The following NQO1 variants were observed in gnomAD, a reference collection of about 807,000 sequenced individuals.
The protein encoded by NQO1 is NAD(P)H quinone dehydrogenase 1.
NQO1 carries 30 observed loss-of-function variants against 32.1 expected under a neutral mutation model. The ratio of observed to expected loss-of-function variants is 0.94; its 90% CI spans 0.70 to 1.27. The LOEUF is 1.27. Among genes scored for constraint, NQO1 ranks in the 50% most tolerant of loss-of-function variants. NQO1 has a pLI of 0.00. For synonymous variants in NQO1, 109 were observed against 119.7 expected (o/e 0.91, Z 0.59); for missense variants, 276 against 331.3 (o/e 0.83, Z 1.30).
Position 69,717,357 on chromosome 16 carries a change from C to T in NQO1, c.303+766G>A, listed in dbSNP as rs2038127585. On this transcript the variant is annotated intron_variant, in intron 3 of 5. Coordinates refer to ENST00000320623, the MANE Select transcript of NQO1 (RefSeq NM_000903.3). Reference sequence around the variant, plus strand: ...TTCAGCAGGGTTTCAAAGCCCCCTTCAGCTGGCAGGCTACAATGGCAGAGA... The same window carrying T: ...TTCAGCAGGGTTTCAAAGCCCCCTTTAGCTGGCAGGCTACAATGGCAGAGA... 2.0e-5 allele frequency among the ~76,000 whole-genome samples: 3 copies of T among 152,200 alleles called. No homozygotes were observed. In the South Asian group the frequency reaches 6.2e-4, roughly 31 times the overall value.
intron 5 of NQO1, among the ~76,000 whole-genome samples, chr16:69,711,617 C>T (rs1238661257): frequency 2.0e-5 from 3 of 151,818 alleles, no homozygotes; most frequent in Non-Finnish European, 4.4e-5. Flanking sequence ...ATTTCTCTGC[C>T]TCTCCATATA....
Position 69,710,627 on chromosome 16 carries a change from A to C in NQO1, c.*349T>G, listed in dbSNP as rs1484382530. On this transcript the variant is annotated 3_prime_UTR_variant, in exon 6 of 6. Coordinates refer to ENST00000320623, the MANE Select transcript of NQO1 (RefSeq NM_000903.3). Reference sequence around the variant, plus strand: ...TAAACTACAGAGAGGTGATTAATAGAACATTGGAGAGTTGAATGATACCTA... The same window carrying C: ...TAAACTACAGAGAGGTGATTAATAGCACATTGGAGAGTTGAATGATACCTA... The C allele has an allele frequency of 4.3e-6, 1 of 230,680 alleles. No individual in the cohort carries two copies. Among genetic ancestry groups the C allele is most frequent in the Non-Finnish European group, 8.5e-6 (1 of 118,166 alleles). 14.3% of individuals were successfully genotyped at this position (230,680 alleles called of 1,614,324 possible). A position where few individuals can be genotyped will look rare whatever the true frequency, so the allele number is the denominator to read the frequency against.
intron 1 of NQO1, 125 bp downstream of exon 1, chr16:69,726,307 TA>T: frequency 7.3e-7 from 1 of 1,360,912 alleles, no homozygotes; most frequent in Non-Finnish European, 1.0e-6. Context: ...CCCAGGTCCC[TA>T]ATCTCTTCCC....
intron 1 of NQO1, among the ~76,000 whole-genome samples, chr16:69,724,503 T>C (rs1281504948): frequency 6.6e-6 from 1 of 151,730 alleles, no homozygotes; most frequent in Non-Finnish European, 1.5e-5. Context: ...AAAATTTTTT[T>C]TTTTTTTAAT....
Position 69,718,711 on chromosome 16 carries a change from G to A in NQO1, c.8-177C>T, listed in dbSNP as rs567054039. ...CCCTTAAAAGCACTGAAGATTAAAG[G>A]AAGCATTTAAATCAGTGGCTGATTT... On this transcript the variant is annotated intron_variant, in intron 1 of 5. Transcript: ENST00000320623. 3.3e-5 allele frequency among the ~76,000 whole-genome samples: 5 copies of A among 152,268 alleles called. No homozygotes were observed. The South Asian group carries it at 8.3e-4, about 25-fold the overall frequency.
intron 3 of NQO1, among the ~76,000 whole-genome samples, chr16:69,715,466 G>A (rs933340522): frequency 5.9e-5 from 9 of 152,120 alleles, no homozygotes; most frequent in African/African-American, 1.9e-4. Flanking sequence ...AGTAGGTGTG[G>A]TATCAACAAT....
At chr16:69,716,432 C>T (rs1027331378) in intron 3 of NQO1, among the ~76,000 whole-genome samples, 1 of 151,308 alleles carries the variant, frequency 6.6e-6, no homozygotes, top group Admixed American at 6.6e-5. Context: ...GCGGAGGTTG[C>T]AGTGAGCCGA....
Position 69,715,050 on chromosome 16 carries a change from C to T in NQO1, c.331G>A (p.Ala111Thr). The T allele has an allele frequency of 6.2e-7, 1 of 1,613,684 alleles. No homozygotes were observed. Among genetic ancestry groups the T allele is most frequent in the Non-Finnish European group, 8.5e-7 (1 of 1,179,726 alleles). The change falls in exon 4 of 6, where the codon GCC becomes ACC. Residue 111 changes from alanine to threonine, a missense_variant. Ala to Thr is a moderately conservative substitution (Grantham distance 58). Transcript: ENST00000320623. ...CGCTCAAACCAGCCTTTCAGAATGG[C>T]AGGGACTCCAAACCACTGCAGGGGG... ...QFPLQWFGVP[A>T]ILKGWFERVF...
At chr16:69,719,454 T>A (rs980416001) in intron 1 of NQO1, among the ~76,000 whole-genome samples, 3 of 152,102 alleles carry the variant, frequency 2.0e-5, no homozygotes, top group African/African-American at 7.2e-5. Flanking sequence ...TATGGGTACA[T>A]CCACACTACA....
At chr16:69,722,634 A>G (rs376135290) in intron 1 of NQO1, among the ~76,000 whole-genome samples, 1 of 152,234 alleles carries the variant, frequency 6.6e-6, no homozygotes, top group Non-Finnish European at 1.5e-5. Context: ...AATATGCCAA[A>G]CCAGGGGATT....
intron 1 of NQO1, among the ~76,000 whole-genome samples, chr16:69,720,876 C>G (rs559210861): frequency 1.6e-3 from 242 of 150,928 alleles, no homozygotes; most frequent in Non-Finnish European, 2.8e-3. Context: ...CTTTGCATTC[C>G]TTTTTTTTCT....
At chr16:69,720,218 C>T (rs907316357) in intron 1 of NQO1, among the ~76,000 whole-genome samples, 5 of 150,094 alleles carry the variant, frequency 3.3e-5, no homozygotes, top group Admixed American at 1.3e-4. Flanking sequence ...CCGTGATCGC[C>T]GCACTGCACT....
At position 69,710,917 on chromosome 16, in the gene NQO1, A is replaced by T; in HGVS notation, c.*59T>A. The T allele has an allele frequency of 6.6e-7, 1 of 1,523,570 alleles. No homozygotes were observed. The highest frequency in any genetic ancestry group is 1.3e-5 in the South Asian group (1 of 78,698). 94.4% of individuals were successfully genotyped at this position (1,523,570 alleles called of 1,614,324 possible). A position where few individuals can be genotyped will look rare whatever the true frequency, so the allele number is the denominator to read the frequency against. ...CTTAAAAACTAAAGCAAGTCAGGGA[A>T]GCCTGGAAAGATACCCAGATTTGAT... On this transcript the variant is annotated 3_prime_UTR_variant, in exon 6 of 6. Transcript: ENST00000320623.
chr16:69,726,396 G>C (rs755793438), intron 1 of NQO1, 37 bp downstream of exon 1: 2 of 1,611,220 alleles, frequency 1.2e-6, no homozygotes, highest in Admixed American at 1.7e-5. Context: ...GTGCTCGAGA[G>C]ACGACCGCCA....
intron 5 of NQO1, among the ~76,000 whole-genome samples, chr16:69,712,676 G>T (rs866196841): frequency 6.6e-6 from 1 of 152,188 alleles, no homozygotes; most frequent in Non-Finnish European, 1.5e-5. Context: ...CCCCACGAAG[G>T]CTCAATGAAT....
At chr16:69,720,619 C>G (rs1344892362) in intron 1 of NQO1, among the ~76,000 whole-genome samples, 2 of 151,530 alleles carry the variant, frequency 1.3e-5, no homozygotes, top group African/African-American at 4.8e-5. Flanking sequence ...CAACCTCCGC[C>G]TCTCAGGTTC....
At chr16:69,715,149 A>C in intron 3 of NQO1, 72 bp from the exon 4 acceptor site, 6 of 1,081,954 alleles carry the variant, frequency 5.5e-6, no homozygotes, top group Non-Finnish European at 8.6e-6. Flanking sequence ...CGGAGTGCTG[A>C]GCCGCTCCCC....
At chr16:69,714,659 C>G (rs1438469711) in intron 4 of NQO1, among the ~76,000 whole-genome samples, 1 of 151,262 alleles carries the variant, frequency 6.6e-6, no homozygotes, top group Non-Finnish European at 1.5e-5. Flanking sequence ...GCGGGTAGAT[C>G]ACCTGAGGTC....
At chr16:69,716,119 G>C (rs1238795660) in intron 3 of NQO1, among the ~76,000 whole-genome samples, 1 of 151,188 alleles carries the variant, frequency 6.6e-6, no homozygotes, top group Non-Finnish European at 1.5e-5. Flanking sequence ...AGGGAGCTGT[G>C]ATCACCACTG....
Sources: gnomAD v4.1 joint callset for allele counts (sites outside exome capture counted in the v4.1 genomes callset) on GRCh38, gnomAD v4.1.1 for gene constraint, MANE v1.5 for transcripts, NCBI Gene and HGNC (gene_info 2026-07-23, HGNC 2026-07-21) for gene names.